PTPRZ1: variants seen among roughly 807,000 people sequenced by gnomAD.
The protein encoded by PTPRZ1 is receptor-type tyrosine-protein phosphatase zeta.
PTPRZ1 carries 82 observed loss-of-function variants against 214.1 expected under a neutral mutation model. The observed-to-expected ratio is 0.38, with a 90% CI of 0.32 to 0.46. The LOEUF (loss-of-function observed/expected upper bound fraction) is 0.46, where lower values mean the gene tolerates loss of function less well. Ranked by LOEUF, PTPRZ1 falls within the 20% of genes least tolerant of loss-of-function variation. The pLI is 1.00. For missense variants in PTPRZ1, 2,603 were observed against 2,748.7 expected (o/e 0.95, Z 1.19); for synonymous variants, 945 against 987.9 (o/e 0.96, Z 0.81).
In PTPRZ1 at chr7:121,976,801, A is replaced by C; in HGVS notation, c.569A>C (p.Asn190Thr). Reference protein sequence around the residue: ...SILFEVGTEENLDFKAIIDGV... With the variant: ...SILFEVGTEETLDFKAIIDGV... Reference sequence around the variant, plus strand: ...TTTTAACAGGTTGGGACAGAAGAAAATTTGGATTTCAAAGCGATTATTGAT... The same window carrying C: ...TTTTAACAGGTTGGGACAGAAGAAACTTTGGATTTCAAAGCGATTATTGAT... The change falls in exon 6 of 30, where the codon AAT becomes ACT. Residue 190 changes from asparagine (N) to threonine (T), a missense_variant. Coordinates refer to ENST00000393386, the MANE Select transcript of PTPRZ1 (RefSeq NM_002851.3). 1 of 1,610,406 alleles carries C rather than the reference A, an allele frequency of 6.2e-7. No homozygotes were observed. Among genetic ancestry groups the C allele is most frequent in the Non-Finnish European group, 8.5e-7 (1 of 1,178,070 alleles).
chr7:122,028,688 CA>C, intron 14 of PTPRZ1, 45 bp downstream of exon 14: 1 of 1,373,950 alleles, frequency 7.3e-7, no homozygotes, highest in East Asian at 2.3e-5. Context: ...AGATGTTGAA[CA>C]AAAAGCACAA....
intron 23 of PTPRZ1, among the ~76,000 whole-genome samples, chr7:122,050,824 A>G (rs1016228005): frequency 1.3e-5 from 2 of 152,148 alleles, no homozygotes; most frequent in African/African-American, 4.8e-5. Context: ...ACTATTTTTC[A>G]TTTACCCGAC....
chr7:121,904,965 A>C (rs1795074004), intron 1 of PTPRZ1, among the ~76,000 whole-genome samples: 1 of 152,190 alleles, frequency 6.6e-6, no homozygotes, highest in African/African-American at 2.4e-5. Flanking sequence ...TGGTAGATTT[A>C]AAGTAATTAC....
chr7:121,886,050 A>G (rs929082946), intron 1 of PTPRZ1, among the ~76,000 whole-genome samples: 4 of 152,150 alleles, frequency 2.6e-5, no homozygotes, highest in Non-Finnish European at 4.4e-5. Context: ...GCTGGTTTTT[A>G]AAACATGAGG....
intron 8 of PTPRZ1, among the ~76,000 whole-genome samples, chr7:121,992,590 G>T (rs759472410): frequency 6.6e-6 from 1 of 152,150 alleles, no homozygotes; most frequent in Non-Finnish European, 1.5e-5. Context: ...TGGCCTAAAT[G>T]GCAGAATTTT....
intron 1 of PTPRZ1, among the ~76,000 whole-genome samples, chr7:121,909,861 C>T (rs1002928328): frequency 6.6e-6 from 1 of 152,138 alleles, no homozygotes; most frequent in African/African-American, 2.4e-5. Context: ...ACCTGTGGGA[C>T]ACTGGACTGG....
At chr7:121,988,880 A>G (rs1797849939) in intron 8 of PTPRZ1, among the ~76,000 whole-genome samples, 1 of 152,242 alleles carries the variant, frequency 6.6e-6, no homozygotes, top group Non-Finnish European at 1.5e-5. Flanking sequence ...AGCCTTCAGA[A>G]GAATACAGTA....
At chr7:122,039,648 T>C in intron 20 of PTPRZ1, 60 bp downstream of exon 20, 1 of 1,573,378 alleles carries the variant, frequency 6.4e-7, no homozygotes. Flanking sequence ...ATTTTTTAAG[T>C]GAATAAGCGA....
intron 3 of PTPRZ1, among the ~76,000 whole-genome samples, chr7:121,971,551 T>C (rs988104943): frequency 4.2e-4 from 64 of 152,242 alleles, no homozygotes; most frequent in African/African-American, 1.5e-3. Context: ...TGGGGAACCT[T>C]TGAGCAACCT....
chr7:121,936,439 T>C, intron 2 of PTPRZ1, among the ~76,000 whole-genome samples: 1 of 152,204 alleles, frequency 6.6e-6, no homozygotes, highest in East Asian at 1.9e-4. Context: ...TATCAAACTA[T>C]TAAAGAATTA....
chr7:122,014,670 C>T (rs1212513635), intron 12 of PTPRZ1, among the ~76,000 whole-genome samples: 2 of 152,128 alleles, frequency 1.3e-5, no homozygotes, highest in East Asian at 3.9e-4. Flanking sequence ...GATCTCCTGA[C>T]CTCGTGATCC....
At chr7:122,054,075 A>C (rs761386987) in intron 26 of PTPRZ1, 37 bp downstream of exon 26, 2 of 1,607,284 alleles carry the variant, frequency 1.2e-6, no homozygotes, top group African/African-American at 1.3e-5. Flanking sequence ...CTTCCTTTAC[A>C]GAGGAATATC....
intron 8 of PTPRZ1, among the ~76,000 whole-genome samples, chr7:121,991,675 A>G (rs1360002439): frequency 2.6e-5 from 4 of 152,204 alleles, no homozygotes. Context: ...TTCTTGGAAG[A>G]TTATATACTA....
chr7:122,027,832 T>C (rs182586524), intron 13 of PTPRZ1, among the ~76,000 whole-genome samples: 118 of 152,278 alleles, frequency 7.7e-4, no homozygotes, highest in African/African-American at 2.3e-3. Flanking sequence ...AATCTGAATA[T>C]ATTCATTCTC....
intron 8 of PTPRZ1, among the ~76,000 whole-genome samples, chr7:121,987,912 T>C (rs1164272211): frequency 6.6e-6 from 1 of 152,178 alleles, no homozygotes; most frequent in Non-Finnish European, 1.5e-5. Context: ...AGTGAACTAA[T>C]GCAGGGACAG....
chr7:121,941,400 G>A (rs1796237108), intron 2 of PTPRZ1, among the ~76,000 whole-genome samples: 1 of 152,170 alleles, frequency 6.6e-6, no homozygotes, highest in African/African-American at 2.4e-5. Context: ...AAGCTGTTAG[G>A]CTTTGAGTTC....
At chr7:121,900,212 A>T (rs1392383495) in intron 1 of PTPRZ1, among the ~76,000 whole-genome samples, 1 of 152,148 alleles carries the variant, frequency 6.6e-6, no homozygotes, top group Non-Finnish European at 1.5e-5. Flanking sequence ...CTGAAACTAG[A>T]TGCTGAAGAC....
At chr7:121,903,411 A>T (rs1288906448) in intron 1 of PTPRZ1, among the ~76,000 whole-genome samples, 1 of 152,192 alleles carries the variant, frequency 6.6e-6, no homozygotes, top group Non-Finnish European at 1.5e-5. Flanking sequence ...ATTTTATTGC[A>T]GGCTTCTACT....
At chr7:121,874,039 G>GAC (rs10640393) in intron 1 of PTPRZ1, among the ~76,000 whole-genome samples, 11,425 of 147,790 alleles carry the variant, frequency 0.077, 649 homozygotes, top group African/African-American at 0.16. Flanking sequence ...GTGAATTGCA[G>GAC]ACACACACAC....
Sources: allele counts gnomAD v4.1 joint callset (sites outside exome capture counted in the v4.1 genomes callset), GRCh38; gene constraint gnomAD v4.1.1; transcripts MANE v1.5; gene names NCBI Gene and HGNC (gene_info 2026-07-23, HGNC 2026-07-21).